Variants in ZCCHC14 observed in about 807,000 individuals in gnomAD.
The protein encoded by ZCCHC14 is zinc finger CCHC domain-containing protein 14.
A neutral mutation model predicts 85.0 loss-of-function variants in ZCCHC14; 16 were observed. The ratio of observed to expected loss-of-function variants is 0.19; its 90% confidence interval spans 0.13 to 0.29. ZCCHC14 has a LOEUF of 0.29. Among genes scored for constraint, ZCCHC14 ranks in the 10% least tolerant of loss-of-function variants. ZCCHC14 has a pLI of 1.00. For synonymous variants in ZCCHC14, 775 were observed against 630.7 expected, an observed-to-expected ratio of 1.23 and a Z score of -3.43; for missense variants, 1,303 against 1,443.5, an observed-to-expected ratio of 0.90 and a Z score of 1.58.
At chr16:87,417,766 C>G (rs1453253212) in intron 7 of ZCCHC14, 24 bp from the exon 8 acceptor site, 1 of 1,543,746 alleles carries the variant, frequency 6.5e-7, no homozygotes, top group African/African-American at 1.4e-5. Context: ...GCAGGAGGGA[C>G]ACAGAGAGAC....
At position 87,423,886 on chromosome 16, in the gene ZCCHC14, AAAAC is replaced by A. The variant is rs371337103; in HGVS notation, c.769-9_769-6del. On this transcript the variant is annotated splice_polypyrimidine_tract_variant and splice_region_variant and intron_variant, in intron 3 of 12. Transcript: ENST00000671377. ...TGAAGAATCAGACCACAAGACCTTAAAAACAAACAAACAAACAAACCTTAGAAAC... is the reference window on the plus strand; with the variant it reads ...TGAAGAATCAGACCACAAGACCTTAAAAACAAACAAACAAACCTTAGAAAC... 378 of 1,612,756 alleles carry A rather than the reference AAAAC, an allele frequency of 2.3e-4. No individual in the cohort carries two copies. Among genetic ancestry groups the A allele is most frequent in the African/African-American group, 1.1e-3 (80 of 75,012 alleles).
intron 1 of ZCCHC14, among the ~76,000 whole-genome samples, chr16:87,479,853 T>G (rs1412951128): frequency 6.6e-6 from 1 of 152,136 alleles, no homozygotes; most frequent in East Asian, 1.9e-4. Flanking sequence ...CTTGTATGAG[T>G]GCAACCCAGG....
At position 87,412,552 on chromosome 16, in the gene ZCCHC14, G is replaced by A. The variant is rs1207377453; in HGVS notation, c.2169C>T (p.Pro723=). The part of the protein sequence containing the change: ...SGLSESSSMS[P]TVSFGPRTKV... ...TGGTCCGGGGACCAAAGGAGACTGT[G>A]GGTGACATGGAGCTGCTCTCCGAAA... Residue 723 remains proline (P), a synonymous_variant, in exon 12 of 13, where the codon CCC becomes CCT. Coordinates refer to ENST00000671377, the MANE Select transcript of ZCCHC14 (RefSeq NM_015144.3). The A allele has an allele frequency of 6.2e-7, 1 of 1,614,000 alleles. No individual in the cohort carries two copies. Among genetic ancestry groups the A allele is most frequent in the East Asian group, 2.2e-5 (1 of 44,890 alleles).
chr16:87,417,426 C>T, intron 8 of ZCCHC14, 34 bp downstream of exon 8: 3 of 1,603,936 alleles, frequency 1.9e-6, no homozygotes, highest in Non-Finnish European at 8.5e-7. Context: ...AACAATCTAG[C>T]AATTCTGTAC....
chr16:87,467,456 T>G, intron 1 of ZCCHC14: 1 of 1,606,796 alleles, frequency 6.2e-7, no homozygotes, highest in Non-Finnish European at 8.5e-7. Context: ...CCATTTCTGT[T>G]CACGGTGTGA....
At chr16:87,461,786 G>A (rs1597439825) in intron 1 of ZCCHC14, among the ~76,000 whole-genome samples, 1 of 152,344 alleles carries the variant, frequency 6.6e-6, no homozygotes, top group East Asian at 1.9e-4. Flanking sequence ...GCAAGCCACA[G>A]GGGCCACACC....
At chr16:87,437,811 C>T (rs1910002346) in intron 2 of ZCCHC14, among the ~76,000 whole-genome samples, 1 of 152,200 alleles carries the variant, frequency 6.6e-6, no homozygotes, top group Admixed American at 6.5e-5. Flanking sequence ...ATTGAATCAA[C>T]ACCTACATTT....
chr16:87,441,234 C>A lies in ZCCHC14; in HGVS notation c.695-8033G>T, dbSNP rs370883072. On this transcript the variant is annotated intron_variant, in intron 2 of 12. Transcript: ENST00000671377. ...GTCTCGATCTCCCGACCTCGTGATC[C>A]GCCCGCCTCGGCCTCCCAAAGTGCT... 6.7e-4 allele frequency among the ~76,000 whole-genome samples: 102 copies of A among 151,374 alleles called. 1 individual carries two copies. In the East Asian group the frequency reaches 0.015, roughly 22 times the overall value.
Position 87,417,610 on chromosome 16 carries a change from G to A in ZCCHC14, c.1233C>T (p.Tyr411=). The A allele has an allele frequency of 1.2e-6, 2 of 1,614,228 alleles. No homozygotes were observed. Among genetic ancestry groups the A allele is most frequent in the Non-Finnish European group, 8.5e-7 (1 of 1,180,030 alleles). The change falls in exon 8 of 13, where the codon TAC becomes TAT. Residue 411 remains tyrosine (Y), a synonymous_variant. Transcript: ENST00000671377. The stretch of plus-strand genomic sequence containing the variant: ...CAGGTGATGTGTCCATCTGGGTCCG[G>A]TAGGCCAGGGCTGAGCCCGCGCTGC... ...HAGSAGSALA[Y]RTQMDTSPAI...
chr16:87,463,731 G>A (rs576340322), intron 1 of ZCCHC14, among the ~76,000 whole-genome samples: 3 of 152,176 alleles, frequency 2.0e-5, no homozygotes, highest in South Asian at 4.1e-4. Flanking sequence ...GCTGAGGCAG[G>A]GGGATCGCTT....
At chr16:87,465,350 G>A (rs77941606) in intron 1 of ZCCHC14, among the ~76,000 whole-genome samples, 13,910 of 152,208 alleles carry the variant, frequency 0.091, 2,109 homozygotes, top group African/African-American at 0.31. Flanking sequence ...AGAATCAAAC[G>A]GAAAGCACTT....
At chr16:87,410,727 C>A (rs890121383) in intron 12 of ZCCHC14, among the ~76,000 whole-genome samples, 2 of 152,212 alleles carry the variant, frequency 1.3e-5, no homozygotes, top group Admixed American at 6.5e-5. Context: ...CCCACCCGGG[C>A]CCGCATGGCA....
At chr16:87,457,746 C>G (rs979907533) in intron 2 of ZCCHC14, among the ~76,000 whole-genome samples, 6 of 152,170 alleles carry the variant, frequency 3.9e-5, no homozygotes, top group Non-Finnish European at 7.4e-5. Flanking sequence ...CTTACTGTGA[C>G]TTTAGACTTT....
intron 8 of ZCCHC14, among the ~76,000 whole-genome samples, chr16:87,416,772 AC>A (rs1156887061): frequency 3.9e-5 from 6 of 152,202 alleles, no homozygotes; most frequent in East Asian, 1.9e-4. Context: ...AAAGAAAAAA[AC>A]ATTCACAAAT....
intron 1 of ZCCHC14, among the ~76,000 whole-genome samples, chr16:87,462,754 A>G (rs865917825): frequency 6.7e-6 from 1 of 148,888 alleles, no homozygotes; most frequent in Non-Finnish European, 1.5e-5. Context: ...AAAAAAAAGA[A>G]AAAAGAAAAA....
At position 87,411,860 on chromosome 16, in the gene ZCCHC14, G is replaced by A. The variant is rs745771333; in HGVS notation, c.2861C>T (p.Pro954Leu). 1.2e-5 allele frequency: 20 copies of A among 1,607,100 alleles called. No homozygotes were observed. Among genetic ancestry groups the A allele is most frequent in the Non-Finnish European group, 1.7e-5 (20 of 1,177,340 alleles). Reference sequence around the variant, plus strand: ...CAAGAAGGGGAAGGTGAACACGGACGGACCGGAGAACGGGTGCTGGAAGTA... The same window carrying A: ...CAAGAAGGGGAAGGTGAACACGGACAGACCGGAGAACGGGTGCTGGAAGTA... ...ANYFQHPFSGPSVFTFPFLPF... is the reference protein window; with the variant it reads ...ANYFQHPFSGLSVFTFPFLPF... The change falls in exon 12 of 13, where the codon CCG (proline) becomes CTG (leucine). Residue 954 changes from proline to leucine, a missense_variant. Pro to Leu is a moderately conservative substitution (Grantham distance 98). Around this residue, in one of 7 missense-constraint regions of ZCCHC14, gnomAD observed 797 missense variants for 730.8 expected, o/e 1.09. Coordinates refer to ENST00000671377, the MANE Select transcript of ZCCHC14 (RefSeq NM_015144.3).
chr16:87,437,649 G>A (rs559460788), intron 2 of ZCCHC14, among the ~76,000 whole-genome samples: 1 of 152,322 alleles, frequency 6.6e-6, no homozygotes, highest in East Asian at 1.9e-4. Context: ...AGAACACGAA[G>A]GATGATATAC....
chr16:87,458,082 C>A (rs8043841), intron 2 of ZCCHC14, among the ~76,000 whole-genome samples: 1 of 141,728 alleles, frequency 7.1e-6, no homozygotes, highest in South Asian at 2.4e-4. Context: ...CAGATACTCG[C>A]TACTTTGAAA....
At chr16:87,472,784 T>A (rs565047944) in intron 1 of ZCCHC14, 2 of 152,462 alleles carry the variant, frequency 1.3e-5, no homozygotes, top group South Asian at 2.1e-4. Context: ...TTGCCCAGGC[T>A]GGAGTGCAGT....
Sources: gnomAD v4.1 joint callset for allele counts (sites outside exome capture counted in the v4.1 genomes callset) on GRCh38, gnomAD v4.1.1 for gene constraint, gnomAD v4.1.1 regional missense constraint, MANE v1.5 for transcripts, NCBI Gene and HGNC (gene_info 2026-07-23, HGNC 2026-07-21) for gene names.